TSKS: variants seen among roughly 807,000 people sequenced by gnomAD.
TSKS encodes the protein testis-specific serine kinase substrate.
TSKS carries 27 observed loss-of-function variants against 68.0 expected under a neutral mutation model. That is an observed-to-expected ratio of 0.40 (90% CI 0.29 to 0.55). TSKS has a LOEUF of 0.55. TSKS is among the 20% of genes least tolerant of loss of function. TSKS has a pLI of 0.53. For missense variants in TSKS, 806 were observed against 776.0 expected (o/e 1.04, Z -0.46); for synonymous variants, 331 against 340.4 (o/e 0.97, Z 0.30).
At chr19:49,743,493 C>CTTTTTTTTT (rs761657800) in intron 8 of TSKS, among the ~76,000 whole-genome samples, 3 of 103,910 alleles carry the variant, frequency 2.9e-5, no homozygotes, top group African/African-American at 7.6e-5. Context: ...AAGTGAATTT[C>CTTTTTTTTT]TTTTTTTTTT....
Position 49,742,016 on chromosome 19 carries a change from C to T in TSKS, c.1366G>A (p.Gly456Arg), listed in dbSNP as rs774961116. ...AGGGACTCCGTAGACAACTGCGACC[C>T]CTGGCTGGGGGAGGGGCGGTCACCA... ...QGNCARCASQ[G>R]SQLSTESLQQ... is the part of the protein sequence containing the mutation. The change falls in exon 9 of 11, where the codon GGG becomes AGG. Residue 456 changes from glycine (G) to arginine (R), a missense_variant. Transcript: ENST00000246801. 3 of 1,613,970 alleles carry T rather than the reference C, an allele frequency of 1.9e-6. No individual in the cohort carries two copies. In the South Asian group the frequency reaches 3.3e-5, roughly 18 times the overall value.
chr19:49,746,044 G>T (rs1237877276), intron 6 of TSKS, among the ~76,000 whole-genome samples: 1 of 152,136 alleles, frequency 6.6e-6, no homozygotes, highest in Non-Finnish European at 1.5e-5. Flanking sequence ...ATAGCCAGGC[G>T]TGGTGGCGGG....
chr19:49,745,144 T>C, intron 7 of TSKS, 58 bp downstream of exon 7: 1 of 1,471,822 alleles, frequency 6.8e-7, no homozygotes, highest in East Asian at 2.4e-5. Context: ...GACCCCGCCC[T>C]CAGGTTGGGA....
At chr19:49,759,830 G>A (rs923951109) in intron 2 of TSKS, among the ~76,000 whole-genome samples, 1 of 151,474 alleles carries the variant, frequency 6.6e-6, no homozygotes, top group Non-Finnish European at 1.5e-5. Flanking sequence ...GTGAGACCCT[G>A]TCTCAAAAAA....
At chr19:49,761,520 C>A (rs943876420) in intron 2 of TSKS, among the ~76,000 whole-genome samples, 15 of 152,182 alleles carry the variant, frequency 9.9e-5, no homozygotes, top group Non-Finnish European at 1.9e-4. Flanking sequence ...GCTTGAGGGG[C>A]CTTTCTCTGG....
intron 2 of TSKS, among the ~76,000 whole-genome samples, chr19:49,760,631 C>CA (rs1023479836): frequency 1.5e-4 from 23 of 151,728 alleles, no homozygotes; most frequent in South Asian, 6.3e-4. Flanking sequence ...GCCTGGCCTA[C>CA]AAAAAATTTT....
chr19:49,761,427 C>T (rs2084439398), intron 2 of TSKS, among the ~76,000 whole-genome samples: 1 of 152,224 alleles, frequency 6.6e-6, no homozygotes, highest in African/African-American at 2.4e-5. Flanking sequence ...GCTGACTCCC[C>T]TCAGAGAACT....
At chr19:49,745,169 C>T in intron 7 of TSKS, 33 bp downstream of exon 7, 1 of 1,531,952 alleles carries the variant, frequency 6.5e-7, no homozygotes, top group Non-Finnish European at 8.8e-7. Flanking sequence ...CCTGCCCCTT[C>T]CGGTCTTCCC....
Position 49,740,048 on chromosome 19 carries a change from T to C in TSKS, c.1622+11A>G. The C allele has an allele frequency of 6.2e-7, 1 of 1,614,156 alleles. No individual in the cohort carries two copies. Among genetic ancestry groups the C allele is most frequent in the Non-Finnish European group, 8.5e-7 (1 of 1,180,032 alleles). On this transcript the variant is annotated intron_variant, in intron 10 of 10. Coordinates refer to ENST00000246801, the MANE Select transcript of TSKS (RefSeq NM_021733.2). ...TCACCCTCCTCCCATGCCCTCAGCC[T>C]CCTTCCTCACTCTGGCTTCATCTTG...
In TSKS at chr19:49,746,690, G is replaced by A. The variant is rs2084304782; in HGVS notation, c.772C>T (p.Pro258Ser). The A allele has an allele frequency of 7.7e-7, 1 of 1,296,872 alleles. No homozygotes were observed. The highest frequency in any genetic ancestry group is 2.8e-5 in the East Asian group (1 of 36,168). The allele number at this position is 1,296,872 out of a possible 1,614,324, so 80.3% of individuals were successfully genotyped here. ...GCCTCCGGCTTCTGCTTCTCCTCCGGCTCCTGCTTCTCCTCCGGCTCCTGC... is the reference window on the plus strand; with the variant it reads ...GCCTCCGGCTTCTGCTTCTCCTCCGACTCCTGCTTCTCCTCCGGCTCCTGC... ...EKQEPEEKQE[P>S]EEKQKPEAGL... is the part of the protein sequence containing the mutation. Residue 258 changes from proline to serine, a missense_variant, in exon 6 of 11, where the codon CCG (proline) becomes TCG (serine). Pro to Ser is a moderately conservative substitution (Grantham distance 74). Coordinates refer to ENST00000246801, the MANE Select transcript of TSKS (RefSeq NM_021733.2).
chr19:49,748,112 C>A lies in TSKS; in HGVS notation c.552G>T (p.Glu184Asp). The change falls in exon 4 of 11, where the codon GAG (glutamate) becomes GAT (aspartate). Residue 184 changes from glutamate (E) to aspartate (D), a missense_variant. Physicochemically the swap from Glu to Asp is conservative, Grantham distance 45. Coordinates refer to ENST00000246801, the MANE Select transcript of TSKS (RefSeq NM_021733.2). ...NLERRRQEAEELEGYCIQLKE... is the reference protein window; with the variant it reads ...NLERRRQEAEDLEGYCIQLKE... The stretch of plus-strand genomic sequence containing the variant: ...TGAGTTGAATGCAGTACCCCTCCAA[C>A]TCTTCTGCCTCTTGCCGCCTTCTCT... 1 of 1,614,214 alleles carries A rather than the reference C, an allele frequency of 6.2e-7. No individual in the cohort carries two copies.
intron 2 of TSKS, among the ~76,000 whole-genome samples, chr19:49,755,611 G>A (rs1164128300): frequency 2.0e-5 from 3 of 151,880 alleles, no homozygotes; most frequent in Admixed American, 6.6e-5. Context: ...TGGGAGGATC[G>A]CTTGAGCCCA....
At chr19:49,747,606 C>T in intron 4 of TSKS, 134 bp from the exon 5 acceptor site, 1 of 862,820 alleles carries the variant, frequency 1.2e-6, no homozygotes, top group Non-Finnish European at 1.8e-6. Flanking sequence ...AGCTCATTTC[C>T]TTGGCTAAGG....
At chr19:49,748,220 T>A (rs1200657937) in intron 3 of TSKS, 52 bp from the exon 4 acceptor site, 1 of 1,601,204 alleles carries the variant, frequency 6.2e-7, no homozygotes, top group Non-Finnish European at 8.6e-7. Flanking sequence ...GGACAGCCTG[T>A]GGAAAAGAAG....
intron 6 of TSKS, 40 bp downstream of exon 6, chr19:49,746,430 C>G (rs771812166): frequency 1.2e-6 from 2 of 1,609,436 alleles, no homozygotes; most frequent in South Asian, 1.1e-5. Flanking sequence ...GAGTCCCCGC[C>G]GATCTCGTTT....
At chr19:49,744,950 T>C (rs1487602935) in intron 7 of TSKS, among the ~76,000 whole-genome samples, 1 of 152,128 alleles carries the variant, frequency 6.6e-6, no homozygotes, top group Non-Finnish European at 1.5e-5. Flanking sequence ...TTTTCTCGGA[T>C]CCCACTTGAC....
In TSKS at chr19:49,744,366, C is replaced by T. The variant is rs1429000062; in HGVS notation, c.1226G>A (p.Ser409Asn). The T allele has an allele frequency of 1.9e-6, 3 of 1,614,106 alleles. No individual in the cohort carries two copies. Residue 409 changes from serine (S) to asparagine (N), a missense_variant, in exon 8 of 11, where the codon AGC becomes AAC. Transcript: ENST00000246801. The part of the protein sequence containing the change: ...RSAVSVASLR[S>N]ELEGLGPLKP... ...CAGTGGGCCCAGCCCCTCCAGTTCG[C>T]TCCTCAGTGAAGCCACAGACACTGC...
intron 9 of TSKS, 38 bp from the exon 10 acceptor site, chr19:49,740,221 A>G: frequency 6.3e-7 from 1 of 1,591,826 alleles, no homozygotes; most frequent in East Asian, 2.2e-5. Flanking sequence ...GGCTTGCTGG[A>G]CTGGGCTGGG....
At position 49,746,675 on chromosome 19, in the gene TSKS, TCTGCTTCTCCTCCGGCTC is replaced by T. The variant is rs59626794; in HGVS notation, c.769_786del (p.Glu257_Gln262del). ...TTCCAGGAGAGGCCAGCCTCCGGCT[TCTGCTTCTCCTCCGGCTC>T]CTGCTTCTCCTCCGGCTCCTGCTTC... is the stretch of plus-strand genomic sequence containing the variant. On this transcript the variant is annotated inframe_deletion, in exon 6 of 11. Transcript: ENST00000246801. The T allele has an allele frequency of 0.1, 161,708 of 1,599,444 alleles. 11,008 individuals carry two copies. The highest frequency in any genetic ancestry group is 0.3 in the African/African-American group (22,495 of 74,268).
Sources: allele counts gnomAD v4.1 joint callset (sites outside exome capture counted in the v4.1 genomes callset), GRCh38; gene constraint gnomAD v4.1.1; transcripts MANE v1.5; gene names NCBI Gene and HGNC (gene_info 2026-07-23, HGNC 2026-07-21).